The following DAAM1 variants were observed in gnomAD, a reference collection of about 807,000 sequenced individuals.
The protein encoded by DAAM1 is dishevelled associated activator of morphogenesis 1, also known as disheveled-associated activator of morphogenesis 1.
Under a neutral mutation model 130.0 loss-of-function variants are expected in DAAM1, and 52 were observed. The ratio of observed to expected loss-of-function variants is 0.40; its 90% CI spans 0.32 to 0.50. The LOEUF (loss-of-function observed/expected upper bound fraction) is 0.50. DAAM1 is among the 20% of genes least tolerant of loss of function. The pLI, the probability that DAAM1 is intolerant of heterozygous loss-of-function variation, is 0.61. For synonymous variants in DAAM1, 452 were observed against 444.5 expected, an observed-to-expected ratio of 1.02 and a Z score of -0.21; for missense variants, 1,134 against 1,303.8, an observed-to-expected ratio of 0.87 and a Z score of 2.01.
At position 59,370,465 on chromosome 14, in the gene DAAM1, G is replaced by A. The variant is rs576110003; in HGVS notation, c.*1606G>A. On this transcript the variant is annotated 3_prime_UTR_variant, in exon 25 of 25. Coordinates refer to ENST00000360909, the MANE Select transcript of DAAM1 (RefSeq NM_001270520.2). ...GAATACCAATGTGTGCACTGTACAG[G>A]AATCATACTATTTAAAAATAATTTG... is the stretch of plus-strand genomic sequence containing the variant. The A allele has an allele frequency of 6.6e-6, 1 of 151,984 alleles. No individual in the cohort carries two copies. Among genetic ancestry groups the A allele is most frequent in the Non-Finnish European group, 1.5e-5 (1 of 67,970 alleles). The allele number at this position is 151,984 out of a possible 1,614,324, so 9.4% of individuals were successfully genotyped here. A position where few individuals can be genotyped will look rare whatever the true frequency, so the allele number is the denominator to read the frequency against.
chr14:59,334,122 G>A (rs1462128838), intron 15 of DAAM1, among the ~76,000 whole-genome samples: 2 of 152,022 alleles, frequency 1.3e-5, no homozygotes, highest in African/African-American at 4.8e-5. Flanking sequence ...TTTCTCTTTT[G>A]GTGCAAGAAT....
intron 1 of DAAM1, among the ~76,000 whole-genome samples, chr14:59,238,362 C>T (rs192233678): frequency 1.3e-5 from 2 of 152,120 alleles, no homozygotes; most frequent in African/African-American, 2.4e-5. Context: ...TCCTCTGAAC[C>T]CTTACGGTAC....
intron 3 of DAAM1, among the ~76,000 whole-genome samples, chr14:59,306,734 A>C (rs142147717): frequency 6.6e-6 from 1 of 151,996 alleles, no homozygotes; most frequent in African/African-American, 2.4e-5. Flanking sequence ...TAATACCCCA[A>C]ATACTTAACC....
chr14:59,359,805 A>C (rs1886635171), intron 21 of DAAM1, among the ~76,000 whole-genome samples: 1 of 152,270 alleles, frequency 6.6e-6, no homozygotes, highest in African/African-American at 2.4e-5. Context: ...AGCAAATAGA[A>C]GACCTAAGTG....
intron 15 of DAAM1, among the ~76,000 whole-genome samples, chr14:59,332,196 T>C (rs1274948092): frequency 6.6e-6 from 1 of 152,192 alleles, no homozygotes; most frequent in Non-Finnish European, 1.5e-5. Flanking sequence ...TCACTTGTAT[T>C]TAGTCAAAAT....
intron 1 of DAAM1, among the ~76,000 whole-genome samples, chr14:59,238,029 G>A (rs952179172): frequency 1.2e-4 from 19 of 152,140 alleles, no homozygotes; most frequent in Admixed American, 1.3e-4. Context: ...TACTGTAATG[G>A]CTCAGGTCAT....
rs1888238393 is a variant in DAAM1, at chr14:59,205,807, G to A, written c.-38+17039G>A. Among the ~76,000 whole-genome samples, 10 of 152,218 alleles carry A rather than the reference G, an allele frequency of 6.6e-5. No individual in the cohort carries two copies. The South Asian group carries it at 2.1e-3, about 32-fold the overall frequency. On this transcript the variant is annotated intron_variant, in intron 1 of 24. Transcript: ENST00000360909. Reference sequence around the variant, plus strand: ...ATCTAACTTAAACTTCATTTTGTAGGAAAAGATACCCTTGGGATGAGATAA... The same window carrying A: ...ATCTAACTTAAACTTCATTTTGTAGAAAAAGATACCCTTGGGATGAGATAA...
At chr14:59,275,472 A>C (rs1882926451) in intron 2 of DAAM1, among the ~76,000 whole-genome samples, 2 of 152,236 alleles carry the variant, frequency 1.3e-5, no homozygotes, top group South Asian at 4.1e-4. Flanking sequence ...TTGTCAACTG[A>C]AGTTGTACTA....
chr14:59,287,130 C>A lies in DAAM1; in HGVS notation c.184-4087C>A, dbSNP rs553993672. 2.0e-5 allele frequency among the ~76,000 whole-genome samples: 3 copies of A among 152,276 alleles called. No homozygotes were observed. The East Asian group carries it at 5.8e-4, about 29-fold the overall frequency. On this transcript the variant is annotated intron_variant, in intron 2 of 24. Coordinates refer to ENST00000360909, the MANE Select transcript of DAAM1 (RefSeq NM_001270520.2). ...TTCCTGATATGCAAAGTTGGTTTAA[C>A]ATATGCCAATCAATAAACGTGATTC... is the stretch of plus-strand genomic sequence containing the variant.
chr14:59,297,326 C>T (rs1883991766), intron 3 of DAAM1, among the ~76,000 whole-genome samples: 1 of 152,140 alleles, frequency 6.6e-6, no homozygotes, highest in South Asian at 2.1e-4. Flanking sequence ...AACGTGTGTC[C>T]AGAGCTTGGA....
At chr14:59,247,640 CAA>C (rs1881448825) in intron 1 of DAAM1, among the ~76,000 whole-genome samples, 1 of 149,770 alleles carries the variant, frequency 6.7e-6, no homozygotes, top group Non-Finnish European at 1.5e-5. Flanking sequence ...GTTTTACAAA[CAA>C]ATAATAGCTA....
intron 1 of DAAM1, among the ~76,000 whole-genome samples, chr14:59,190,926 C>A (rs936781609): frequency 8.5e-5 from 13 of 152,274 alleles, no homozygotes; most frequent in Admixed American, 7.2e-4. Context: ...TTTATACTAC[C>A]ACTACTATTA....
intron 3 of DAAM1, among the ~76,000 whole-genome samples, chr14:59,291,779 C>T (rs1168784155): frequency 6.6e-6 from 1 of 152,194 alleles, no homozygotes; most frequent in Non-Finnish European, 1.5e-5. Flanking sequence ...GAAGCACAGG[C>T]TCCTCCACTC....
intron 1 of DAAM1, among the ~76,000 whole-genome samples, chr14:59,244,635 T>C (rs1283237352): frequency 4.6e-5 from 7 of 152,182 alleles, no homozygotes; most frequent in African/African-American, 1.7e-4. Flanking sequence ...TGGGAGTGTG[T>C]GTTGGGGGCA....
chr14:59,306,266 C>T (rs1245792539), intron 3 of DAAM1, among the ~76,000 whole-genome samples: 2 of 152,174 alleles, frequency 1.3e-5, no homozygotes, highest in East Asian at 3.9e-4. Flanking sequence ...TCAGGGATCA[C>T]TCACAAGGAG....
chr14:59,250,009 C>A (rs181145029), intron 1 of DAAM1, among the ~76,000 whole-genome samples: 1 of 152,134 alleles, frequency 6.6e-6, no homozygotes, highest in Non-Finnish European at 1.5e-5. Context: ...TATGAACATA[C>A]TAAAATCTCT....
intron 23 of DAAM1, among the ~76,000 whole-genome samples, chr14:59,364,239 C>T (rs1886825772): frequency 6.6e-6 from 1 of 152,112 alleles, no homozygotes; most frequent in African/African-American, 2.4e-5. Context: ...ATCTGAGATA[C>T]AGCCTTGGAG....
intron 12 of DAAM1, among the ~76,000 whole-genome samples, chr14:59,327,402 C>CTTTTTGTTTTTTTTT (rs1885249465): frequency 1.7e-5 from 1 of 58,990 alleles, no homozygotes; most frequent in African/African-American, 7.7e-5. Context: ...CACTTGGTTT[C>CTTTTTGTTTTTTTTT]TTTTTTTTTT....
chr14:59,261,662 G>T (rs1253008), intron 1 of DAAM1, among the ~76,000 whole-genome samples: 66,142 of 151,972 alleles, frequency 0.44, 14,479 homozygotes, highest in Non-Finnish European at 0.45. Flanking sequence ...TCAAGTCAGC[G>T]GAGGACTAGA....
Sources: gnomAD v4.1 joint callset for allele counts (sites outside exome capture counted in the v4.1 genomes callset) on GRCh38, gnomAD v4.1.1 for gene constraint, MANE v1.5 for transcripts, NCBI Gene and HGNC (gene_info 2026-07-23, HGNC 2026-07-21) for gene names.